Variants in ATP6V0A1 observed in about 807,000 individuals in gnomAD.
The protein encoded by ATP6V0A1 is V-type proton ATPase 116 kDa subunit a 1.
In ATP6V0A1, 43 loss-of-function variants were observed where a neutral mutation model predicts 105.4. That is an observed-to-expected ratio of 0.41 (90% CI 0.32 to 0.53). The LOEUF (loss-of-function observed/expected upper bound fraction) is 0.53. Among genes scored for constraint, ATP6V0A1 ranks in the 20% least tolerant of loss-of-function variants. ATP6V0A1 has a pLI of 0.30. For synonymous variants in ATP6V0A1, 362 were observed against 372.8 expected (o/e 0.97, Z 0.33); for missense variants, 676 against 1,051.1 (o/e 0.64, Z 4.93).
intron 9 of ATP6V0A1, among the ~76,000 whole-genome samples, chr17:42,486,325 C>T (rs1451538483): frequency 2.0e-5 from 3 of 151,872 alleles, no homozygotes; most frequent in Admixed American, 6.6e-5. Context: ...GCGGGAGAAT[C>T]GTTTGAACCC....
At chr17:42,492,941 C>G (rs183967790) in intron 11 of ATP6V0A1, among the ~76,000 whole-genome samples, 1 of 152,058 alleles carries the variant, frequency 6.6e-6, no homozygotes, top group East Asian at 1.9e-4. Context: ...TTGCTTGAAC[C>G]CAAGAGACAG....
intron 12 of ATP6V0A1, 50 bp from the exon 13 acceptor site, chr17:42,494,984 T>A (rs776931121): frequency 6.4e-7 from 1 of 1,561,574 alleles, no homozygotes; most frequent in Middle Eastern, 1.7e-4. Flanking sequence ...ATTGTCACAA[T>A]GTGAGCTGCA....
chr17:42,521,114 A>T lies in ATP6V0A1; in HGVS notation c.2508A>T (p.Glu836Asp). The stretch of plus-strand genomic sequence containing the variant: ...AGCATATTCGGGAAGGGAAGTTTGA[A>T]GAGTGAGTCCCTGTGAGGGCCGTGT... ...SFEHIREGKF[E>D]E is the part of the protein sequence containing the mutation. The change falls in exon 22 of 22, where the codon GAA becomes GAT. Residue 836 changes from glutamate to aspartate, a missense_variant. Glu to Asp is a conservative substitution (Grantham distance 45). Transcript: ENST00000343619. The surrounding 1 kb of genome is among the most constrained non-coding windows in gnomAD (Gnocchi z 4.8). 6.2e-7 allele frequency: 1 copy of T among 1,608,620 alleles called. No homozygotes were observed.
chr17:42,469,347 T>TC lies in ATP6V0A1; in HGVS notation c.295-741dup, dbSNP rs1555601379. Among the ~76,000 whole-genome samples the TC allele has an allele frequency of 1.6e-3, 231 of 141,846 alleles. 1 individual carries two copies. Among genetic ancestry groups the TC allele is most frequent in the African/African-American group, 5.6e-3 (205 of 36,486 alleles). 93.1% of individuals were successfully genotyped at this position (141,846 alleles called of 152,430 possible). On this transcript the variant is annotated intron_variant, in intron 4 of 21. Coordinates refer to ENST00000343619, the MANE Select transcript of ATP6V0A1 (RefSeq NM_001130021.3). ...ACTTTTTTTTTTTTTTTTTTTTTTT[T>TC]CCAGACAGAGTCTTGCTCTCTCACC...
chr17:42,472,794 G>C (rs555664877), intron 5 of ATP6V0A1, among the ~76,000 whole-genome samples: 10 of 152,228 alleles, frequency 6.6e-5, no homozygotes, highest in Non-Finnish European at 1.5e-4. Context: ...CAAATATCCA[G>C]AATTCTCTAG....
chr17:42,513,566 G>C, intron 19 of ATP6V0A1: 1 of 312,680 alleles, frequency 3.2e-6, no homozygotes, highest in Non-Finnish European at 6.1e-6. Flanking sequence ...AAGAACAAAT[G>C]TGTTGAAAAG....
intron 10 of ATP6V0A1, among the ~76,000 whole-genome samples, chr17:42,488,972 G>A (rs1331022445): frequency 7.2e-6 from 1 of 138,592 alleles, no homozygotes. Flanking sequence ...CTGAGATCAT[G>A]CCACTGCACT....
intron 5 of ATP6V0A1, among the ~76,000 whole-genome samples, chr17:42,477,312 A>G (rs998437441): frequency 2.0e-5 from 3 of 152,184 alleles, no homozygotes; most frequent in South Asian, 4.1e-4. Context: ...CACTTTCATC[A>G]TTCATTCAGG....
intron 4 of ATP6V0A1, among the ~76,000 whole-genome samples, chr17:42,469,807 T>C (rs911985327): frequency 3.3e-5 from 5 of 152,132 alleles, no homozygotes; most frequent in African/African-American, 1.2e-4. Context: ...CACGCCCAGC[T>C]AATTTTGTAT....
At chr17:42,461,254 T>C (rs1227203191) in intron 2 of ATP6V0A1, among the ~76,000 whole-genome samples, 1 of 152,188 alleles carries the variant, frequency 6.6e-6, no homozygotes, top group East Asian at 1.9e-4. Flanking sequence ...GGTAATTGTT[T>C]GGGATGCAGG....
chr17:42,460,439 T>C (rs912157609), intron 1 of ATP6V0A1: 1 of 159,706 alleles, frequency 6.3e-6, no homozygotes, highest in African/African-American at 2.4e-5. Context: ...TGAGAGGGTA[T>C]TGAAGGCCTC....
intron 3 of ATP6V0A1, among the ~76,000 whole-genome samples, chr17:42,467,125 C>T (rs935736213): frequency 1.7e-4 from 25 of 145,132 alleles, no homozygotes; most frequent in African/African-American, 4.4e-4. Context: ...CCAGCCTGGG[C>T]GACAGAGCGA....
chr17:42,500,474 C>T (rs1021999911), intron 15 of ATP6V0A1, among the ~76,000 whole-genome samples: 2 of 152,140 alleles, frequency 1.3e-5, no homozygotes, highest in African/African-American at 4.8e-5. Flanking sequence ...GAGTGAGACC[C>T]TGTCTCAAAA....
intron 12 of ATP6V0A1, 113 bp downstream of exon 12, chr17:42,494,586 G>A: frequency 1.5e-6 from 2 of 1,308,382 alleles, no homozygotes; most frequent in Non-Finnish European, 2.1e-6. Flanking sequence ...AAAGGAAGTA[G>A]AGAAGTTATG....
In ATP6V0A1 at chr17:42,495,708, A is replaced by G. The variant is rs1254581382; in HGVS notation, c.1552A>G (p.Ile518Val). Reference protein sequence around the residue: ...GVFGGPYPFGIDPIWNIATNK... With the variant: ...GVFGGPYPFGVDPIWNIATNK... ...GTTTGGTGGACCATACCCTTTTGGCATTGATCCAGTAAGAGGACTTCCTTC... is the reference window on the plus strand; with the variant it reads ...GTTTGGTGGACCATACCCTTTTGGCGTTGATCCAGTAAGAGGACTTCCTTC... Residue 518 changes from isoleucine to valine, a missense_variant, in exon 14 of 22, where the codon ATT becomes GTT. By Grantham distance (29) the Ile-to-Val change is conservative. This residue lies in a region of ATP6V0A1 where 435 missense variants were observed against 642.2 expected (regional missense o/e 0.68). Transcript: ENST00000343619. 7 of 1,612,812 alleles carry G rather than the reference A, an allele frequency of 4.3e-6. No individual in the cohort carries two copies. The highest frequency in any genetic ancestry group is 5.9e-6 in the Non-Finnish European group (7 of 1,178,940).
In ATP6V0A1 at chr17:42,514,095, C is replaced by T. The variant is rs2092488685; in HGVS notation, c.2248+117C>T. The T allele has an allele frequency of 5.2e-6, 7 of 1,352,594 alleles. No individual in the cohort carries two copies. In the Admixed American group the frequency reaches 1.3e-4, roughly 25 times the overall value. 83.8% of individuals were successfully genotyped at this position (1,352,594 alleles called of 1,614,324 possible). A position where few individuals can be genotyped will look rare whatever the true frequency, so the allele number is the denominator to read the frequency against. ...GAAGGTTCTGGAATTATTCAGGTTC[C>T]TGAACCCAAGGAGAATGAGTACAGA... is the stretch of plus-strand genomic sequence containing the variant. On this transcript the variant is annotated intron_variant, in intron 20 of 21. Coordinates refer to ENST00000343619, the MANE Select transcript of ATP6V0A1 (RefSeq NM_001130021.3).
At chr17:42,498,422 A>G (rs2091379840) in intron 14 of ATP6V0A1, among the ~76,000 whole-genome samples, 1 of 152,148 alleles carries the variant, frequency 6.6e-6, no homozygotes, top group African/African-American at 2.4e-5. Context: ...GCAAGATTAA[A>G]AAAAAAAATT....
intron 17 of ATP6V0A1, 29 bp from the exon 18 acceptor site, chr17:42,507,491 A>G (rs1418388149): frequency 6.5e-7 from 1 of 1,539,722 alleles, no homozygotes; most frequent in Admixed American, 1.7e-5. Flanking sequence ...AGCCCAGGCA[A>G]ATTCTACTCT....
intron 21 of ATP6V0A1, 129 bp from the exon 22 acceptor site, chr17:42,520,898 C>T (rs1368960156): frequency 5.0e-6 from 4 of 801,224 alleles, no homozygotes; most frequent in Non-Finnish European, 8.1e-6. Flanking sequence ...TGGGCTTTCT[C>T]TAGCTTCCCC....
Sources: allele counts gnomAD v4.1 joint callset (sites outside exome capture counted in the v4.1 genomes callset), GRCh38; gene constraint gnomAD v4.1.1; regional missense constraint gnomAD v4.1.1; non-coding constraint Gnocchi (gnomAD v3.1); transcripts MANE v1.5; gene names NCBI Gene and HGNC (gene_info 2026-07-23, HGNC 2026-07-21).